The following SPTBN1 variants were observed in gnomAD, a reference collection of about 807,000 sequenced individuals.
SPTBN1 encodes spectrin beta, non-erythrocytic 1.
A neutral mutation model predicts 266.4 loss-of-function variants in SPTBN1; 32 were observed. The ratio of observed to expected loss-of-function variants is 0.12; its 90% CI spans 0.09 to 0.16. The LOEUF is 0.16. Ranked by LOEUF, SPTBN1 falls within the 10% of genes least tolerant of loss-of-function variation. The pLI is 1.00. For synonymous variants in SPTBN1, 1,336 were observed against 1,162.2 expected (o/e 1.15, Z -3.04); for missense variants, 2,296 against 3,067.1 (o/e 0.75, Z 5.94).
chr2:54,525,793 C>T (rs181090039), intron 1 of SPTBN1, among the ~76,000 whole-genome samples: 368 of 152,192 alleles, frequency 2.4e-3, no homozygotes, highest in African/African-American at 8.2e-3. Flanking sequence ...TGCAATGGCA[C>T]GATATCGGCT....
intron 1 of SPTBN1, among the ~76,000 whole-genome samples, chr2:54,522,697 G>GAGAGAGAAAGAGAAAGAAAGAAAGAA (rs1553439438): frequency 2.1e-5 from 2 of 97,270 alleles, no homozygotes; most frequent in African/African-American, 8.3e-5. Flanking sequence ...GAGAGAGAGA[G>GAGAGAGAAAGAGAAAGAAAGAAAGAA]AGAAAGAAAG....
chr2:54,463,113 C>T (rs1386998819), intron 1 of SPTBN1, among the ~76,000 whole-genome samples: 1 of 152,048 alleles, frequency 6.6e-6, no homozygotes. Flanking sequence ...GTAAAGGGAG[C>T]AAGTTACAGT....
At chr2:54,651,089 A>G (rs1011169040) in intron 26 of SPTBN1, among the ~76,000 whole-genome samples, 1 of 152,240 alleles carries the variant, frequency 6.6e-6, no homozygotes. Context: ...AATGTTTTCT[A>G]ATTATTATTA....
intron 2 of SPTBN1, among the ~76,000 whole-genome samples, chr2:54,594,394 T>A (rs1390691022): frequency 6.6e-6 from 1 of 152,202 alleles, no homozygotes; most frequent in East Asian, 1.9e-4. Context: ...TACACAATAT[T>A]TACATTGTAT....
chr2:54,642,431 G>A (rs1679633989), intron 18 of SPTBN1, among the ~76,000 whole-genome samples: 1 of 152,096 alleles, frequency 6.6e-6, no homozygotes, highest in Admixed American at 6.6e-5. Context: ...CATTGAAAGG[G>A]CATGATTGTT....
At chr2:54,590,296 C>G (rs1675582231) in intron 2 of SPTBN1, among the ~76,000 whole-genome samples, 1 of 152,138 alleles carries the variant, frequency 6.6e-6, no homozygotes, top group African/African-American at 2.4e-5. Context: ...ATTTAACTGC[C>G]TAGGGCCTGT....
intron 1 of SPTBN1, among the ~76,000 whole-genome samples, chr2:54,506,237 C>CATGT (rs1317462407): frequency 6.6e-6 from 1 of 152,166 alleles, no homozygotes; most frequent in East Asian, 1.9e-4. Context: ...CCCCGTGCTA[C>CATGT]ATGTGCTTTC....
At chr2:54,561,838 T>C (rs1673327914) in intron 2 of SPTBN1, among the ~76,000 whole-genome samples, 1 of 150,024 alleles carries the variant, frequency 6.7e-6, no homozygotes, top group Non-Finnish European at 1.5e-5. Context: ...TGTAGAGATT[T>C]ATAGTTTGTA....
intron 31 of SPTBN1, 107 bp downstream of exon 31, chr2:54,659,373 G>C (rs1330044775): frequency 2.8e-6 from 3 of 1,062,550 alleles, no homozygotes; most frequent in Admixed American, 3.8e-5. Flanking sequence ...CACATGCCCT[G>C]CCTACTGATT....
chr2:54,516,871 T>C (rs552325310), intron 1 of SPTBN1, among the ~76,000 whole-genome samples: 2 of 152,330 alleles, frequency 1.3e-5, no homozygotes, highest in Admixed American at 1.3e-4. Context: ...TCAGTACATG[T>C]AAGATTTACA....
At chr2:54,569,179 G>A (rs962531026) in intron 2 of SPTBN1, among the ~76,000 whole-genome samples, 3 of 152,162 alleles carry the variant, frequency 2.0e-5, no homozygotes, top group African/African-American at 4.8e-5. Context: ...AGAAAGGAAC[G>A]GGGTGGGGGA....
chr2:54,556,104 A>G (rs961362402), intron 2 of SPTBN1, among the ~76,000 whole-genome samples: 2 of 152,256 alleles, frequency 1.3e-5, no homozygotes, highest in African/African-American at 4.8e-5. Flanking sequence ...AGAACAGTAA[A>G]CACTGAAGAA....
intron 16 of SPTBN1, among the ~76,000 whole-genome samples, chr2:54,632,072 T>A (rs1278079266): frequency 7.1e-6 from 1 of 141,360 alleles, no homozygotes; most frequent in Non-Finnish European, 1.5e-5. Flanking sequence ...TGAGACCCTG[T>A]CTCTTAAAAA....
At chr2:54,498,382 A>G (rs1209050559) in intron 1 of SPTBN1, among the ~76,000 whole-genome samples, 1 of 152,216 alleles carries the variant, frequency 6.6e-6, no homozygotes, top group African/African-American at 2.4e-5. Context: ...ACTGTGTTAG[A>G]CAGCACAGGA....
At position 54,526,579 on chromosome 2, in the gene SPTBN1, C is replaced by T. The variant is rs377191134; in HGVS notation, c.148+13C>T. The T allele has an allele frequency of 5.0e-6, 8 of 1,609,768 alleles. No homozygotes were observed. The highest frequency in any genetic ancestry group is 6.8e-6 in the Non-Finnish European group (8 of 1,177,496). On this transcript the variant is annotated intron_variant, in intron 2 of 35. Coordinates refer to ENST00000356805, the MANE Select transcript of SPTBN1 (RefSeq NM_003128.3). ...AAGGCTCTGGCAGGTGAGTCCTTCACACCTGTCACAGAGGCCCAGGATGCC... is the reference window on the plus strand; with the variant it reads ...AAGGCTCTGGCAGGTGAGTCCTTCATACCTGTCACAGAGGCCCAGGATGCC...
intron 32 of SPTBN1, 72 bp downstream of exon 32, chr2:54,660,071 A>G (rs1317743372): frequency 1.9e-6 from 3 of 1,614,236 alleles, no homozygotes; most frequent in Middle Eastern, 3.3e-4. Context: ...GTGACCAGCC[A>G]TGGTCTGGAC....
intron 2 of SPTBN1, among the ~76,000 whole-genome samples, chr2:54,547,082 G>A (rs1672286728): frequency 6.6e-6 from 1 of 151,294 alleles, no homozygotes; most frequent in Admixed American, 6.6e-5. Flanking sequence ...TTTTCATTTT[G>A]AAAAACTGAA....
chr2:54,656,262 G>A (rs1488050008), intron 29 of SPTBN1, among the ~76,000 whole-genome samples: 2 of 152,048 alleles, frequency 1.3e-5, no homozygotes, highest in Non-Finnish European at 2.9e-5. Flanking sequence ...CACCTCCCTG[G>A]GAGAATACAG....
In SPTBN1 at chr2:54,649,739, T is replaced by A; in HGVS notation, c.5327T>A (p.Ile1776Asn). The change falls in exon 26 of 36, where the codon ATC (isoleucine) becomes AAC (asparagine). Residue 1776 changes from isoleucine (I) to asparagine (N), a missense_variant. Transcript: ENST00000356805. This position sits in a 1 kb window ranked among gnomAD's most constrained non-coding sequence, Gnocchi z 6.7. ...TCTGGACATTCAGATGCCGCCACCA[T>A]CGCTGAATGGAAGGATGGCCTCAAT... The part of the protein sequence containing the change: ...INSGHSDAAT[I>N]AEWKDGLNEA... 1.2e-6 allele frequency: 2 copies of A among 1,614,128 alleles called. No homozygotes were observed. The highest frequency in any genetic ancestry group is 1.7e-6 in the Non-Finnish European group (2 of 1,180,028).
Sources: allele counts gnomAD v4.1 joint callset (sites outside exome capture counted in the v4.1 genomes callset), GRCh38; gene constraint gnomAD v4.1.1; non-coding constraint Gnocchi (gnomAD v3.1); transcripts MANE v1.5; gene names NCBI Gene and HGNC (gene_info 2026-07-23, HGNC 2026-07-21).